STXBP4: variants seen among roughly 807,000 people sequenced by gnomAD.
The protein encoded by STXBP4 is syntaxin-binding protein 4.
STXBP4 carries 55 observed loss-of-function variants against 76.1 expected under a neutral mutation model. The observed-to-expected ratio is 0.72, with a 90% CI of 0.58 to 0.91. STXBP4 has a LOEUF of 0.91. Among genes scored for constraint, STXBP4 ranks in the 40% least tolerant of loss-of-function variants. STXBP4 has a pLI of 0.00. For synonymous variants in STXBP4, 201 were observed against 220.2 expected (o/e 0.91, Z 0.77); for missense variants, 618 against 636.9 (o/e 0.97, Z 0.32).
intron 16 of STXBP4, among the ~76,000 whole-genome samples, chr17:55,097,028 T>C (rs1474716656): frequency 6.6e-6 from 1 of 152,202 alleles, no homozygotes; most frequent in African/African-American, 2.4e-5. Flanking sequence ...AATGAAGATG[T>C]AAAGTCAACA....
chr17:55,034,628 A>G (rs1036494124), intron 10 of STXBP4, among the ~76,000 whole-genome samples: 4 of 152,116 alleles, frequency 2.6e-5, no homozygotes, highest in East Asian at 1.9e-4. Context: ...TAATGTATAT[A>G]TACTATGAAA....
At chr17:55,132,584 T>C (rs1458374721) in intron 16 of STXBP4, among the ~76,000 whole-genome samples, 2 of 152,228 alleles carry the variant, frequency 1.3e-5, no homozygotes, top group African/African-American at 4.8e-5. Flanking sequence ...TGTATAAATA[T>C]AGATACTTGG....
intron 1 of STXBP4, among the ~76,000 whole-genome samples, chr17:54,969,765 C>T (rs914137438): frequency 1.3e-5 from 2 of 152,266 alleles, no homozygotes. Flanking sequence ...ATTTATTGCC[C>T]TCTCAACTGT....
chr17:55,141,503 C>T (rs1274952752), intron 17 of STXBP4, 136 bp downstream of exon 17: 2 of 620,620 alleles, frequency 3.2e-6, no homozygotes, highest in African/African-American at 1.9e-5. Context: ...GAAGCCTCAC[C>T]ATTTTCGTTT....
chr17:54,987,684 T>C (rs2077646199), intron 3 of STXBP4, among the ~76,000 whole-genome samples: 1 of 152,210 alleles, frequency 6.6e-6, no homozygotes. Context: ...AGCATATAAG[T>C]CATTTTCTAT....
At chr17:55,093,002 T>G (rs1326830787) in intron 16 of STXBP4, among the ~76,000 whole-genome samples, 3 of 152,084 alleles carry the variant, frequency 2.0e-5, no homozygotes, top group African/African-American at 7.2e-5. Flanking sequence ...TTTTTTGTTT[T>G]TTGTTTTTTG....
rs1177081654 is a variant in STXBP4 at position 55,103,164 on chromosome 17, G to A, written c.1489+21981G>A. On this transcript the variant is annotated intron_variant, in intron 16 of 17. Coordinates refer to ENST00000376352, the MANE Select transcript of STXBP4 (RefSeq NM_178509.6). ...ATTCCATTTGTCAATTTTGGCTTTT[G>A]TTGCCATTGTTTTTGGTGTTTTAGT... Among the ~76,000 whole-genome samples the A allele has an allele frequency of 4.6e-5, 7 of 152,084 alleles. No individual in the cohort carries two copies. The East Asian group carries it at 1.3e-3, about 29-fold the overall frequency.
chr17:55,095,331 T>C (rs2079471199), intron 16 of STXBP4, among the ~76,000 whole-genome samples: 1 of 152,212 alleles, frequency 6.6e-6, no homozygotes, highest in Non-Finnish European at 1.5e-5. Flanking sequence ...ATAGTGTGTG[T>C]TTCAGTCCTA....
At chr17:55,096,466 CA>C (rs2079487847) in intron 16 of STXBP4, among the ~76,000 whole-genome samples, 1 of 152,114 alleles carries the variant, frequency 6.6e-6, no homozygotes, top group Admixed American at 6.5e-5. Context: ...TACAAATATT[CA>C]GGATAAAGCA....
In STXBP4 at chr17:54,999,435, A is replaced by C. The variant is rs551669898; in HGVS notation, c.271A>C (p.Thr91Pro). The C allele has an allele frequency of 1.2e-6, 2 of 1,612,290 alleles. No homozygotes were observed. Among genetic ancestry groups the C allele is most frequent in the African/African-American group, 1.3e-5 (1 of 74,836 alleles). Residue 91 changes from threonine to proline, a missense_variant, in exon 5 of 18, where the codon ACC becomes CCC. By Grantham distance (38) the Thr-to-Pro change is conservative. Transcript: ENST00000376352. ...ATTTGAAGAAGCAAAAAGCATAATT[A>C]CCGGAGCCAAGTTGAGGTAACTATA... is the stretch of plus-strand genomic sequence containing the variant. ...VSFEEAKSIITGAKLRLESAW... is the reference protein window; with the variant it reads ...VSFEEAKSIIPGAKLRLESAW...
chr17:55,059,211 G>C (rs2078967443), intron 12 of STXBP4, among the ~76,000 whole-genome samples: 1 of 151,900 alleles, frequency 6.6e-6, no homozygotes, highest in Non-Finnish European at 1.5e-5. Context: ...GATTTACCTA[G>C]GTATCATTGT....
Position 55,162,994 on chromosome 17 carries a change from A to G in STXBP4, c.*3083A>G, listed in dbSNP as rs1165569915. On this transcript the variant is annotated 3_prime_UTR_variant, in exon 18 of 18. Transcript: ENST00000376352. ...ATATATTCATTAAATCCTTTTCCTC[A>G]TGTATCTTTGCACTCTTGTGCTAGT... 6.6e-6 allele frequency: 1 copy of G among 152,160 alleles called. No individual in the cohort carries two copies. The highest frequency in any genetic ancestry group is 2.4e-5 in the African/African-American group (1 of 41,432). The allele number at this position is 152,160 out of a possible 1,614,324, so 9.4% of individuals were successfully genotyped here.
chr17:55,197,160 G>A, the STXBP4 span, among the ~76,000 whole-genome samples: 1 of 152,222 alleles, frequency 6.6e-6, no homozygotes, highest in Admixed American at 6.5e-5. Context: ...TGGGGGATGG[G>A]AAGGCAGGCA....
intron 1 of STXBP4, among the ~76,000 whole-genome samples, chr17:54,982,964 C>G (rs944480886): frequency 3.9e-5 from 6 of 152,150 alleles, no homozygotes; most frequent in Non-Finnish European, 8.8e-5. Context: ...CAAGAAAGAG[C>G]AGGGTTCAAA....
chr17:55,010,801 GGT>G (rs2078097226), intron 8 of STXBP4, among the ~76,000 whole-genome samples: 1 of 152,102 alleles, frequency 6.6e-6, no homozygotes, highest in Non-Finnish European at 1.5e-5. Context: ...TAGGCTGAAA[GGT>G]GTGTGACTAA....
chr17:55,207,736 G>A, the STXBP4 span, among the ~76,000 whole-genome samples: 1 of 152,118 alleles, frequency 6.6e-6, no homozygotes, highest in Admixed American at 6.5e-5. Context: ...GAAACAATAG[G>A]AAATATCCCA....
chr17:55,161,936 A>G lies in STXBP4; in HGVS notation c.*2025A>G, dbSNP rs1259442794. On this transcript the variant is annotated 3_prime_UTR_variant, in exon 18 of 18. Transcript: ENST00000376352. ...GATTCCAGAAGCTGTTCTCTAAACC[A>G]CTATGGAGAACTGCTTAGATTCATT... 1 of 152,202 alleles carries G rather than the reference A, an allele frequency of 6.6e-6. No homozygotes were observed. Among genetic ancestry groups the G allele is most frequent in the Non-Finnish European group, 1.5e-5 (1 of 68,034 alleles). The allele number at this position is 152,202 out of a possible 1,614,324, so 9.4% of individuals were successfully genotyped here.
At chr17:55,187,803 C>T in the STXBP4 span, among the ~76,000 whole-genome samples, 1 of 152,160 alleles carries the variant, frequency 6.6e-6, no homozygotes, top group African/African-American at 2.4e-5. Flanking sequence ...AGAATGAAAG[C>T]ACTCAGAGAA....
chr17:55,059,745 G>A (rs2144815053), intron 12 of STXBP4, among the ~76,000 whole-genome samples: 1 of 152,234 alleles, frequency 6.6e-6, no homozygotes, highest in South Asian at 2.1e-4. Flanking sequence ...CAAGTCTTCA[G>A]GTGATTTGTT....
Sources: gnomAD v4.1 joint callset for allele counts (sites outside exome capture counted in the v4.1 genomes callset) on GRCh38, gnomAD v4.1.1 for gene constraint, MANE v1.5 for transcripts, NCBI Gene and HGNC (gene_info 2026-07-23, HGNC 2026-07-21) for gene names.